Variants in TIGD1 observed in about 807,000 individuals in gnomAD.
TIGD1 encodes tigger transposable element-derived protein 1.
Under a neutral mutation model 21.3 loss-of-function variants are expected in TIGD1, and 20 were observed. The ratio of observed to expected loss-of-function variants is 0.94; its 90% CI spans 0.66 to 1.36. TIGD1 has a LOEUF of 1.36. TIGD1 is among the 40% of genes most tolerant of loss of function. The pLI, the probability that TIGD1 is intolerant of heterozygous loss-of-function variation, is 0.00. For missense variants in TIGD1, 556 were observed against 350.5 expected (o/e 1.59, Z -4.68); for synonymous variants, 177 against 123.2 (o/e 1.44, Z -2.89).
Position 232,548,898 on chromosome 2 carries a change from A to G in TIGD1, c.985T>C (p.Ser329Pro). 1 of 656,856 alleles carries G rather than the reference A, an allele frequency of 1.5e-6. No individual in the cohort carries two copies. The highest frequency in any genetic ancestry group is 2.8e-6 in the Non-Finnish European group (1 of 360,214). 40.7% of individuals were successfully genotyped at this position (656,856 alleles called of 1,614,324 possible). A position where few individuals can be genotyped will look rare whatever the true frequency, so the allele number is the denominator to read the frequency against. The stretch of plus-strand genomic sequence containing the variant: ...CCTTGATCCATGGGCTGCAGAATGG[A>G]TGTTGTGTTAGCAGGCATGAAAATA... The part of the protein sequence containing the change: ...NVIFMPANTT[S>P]ILQPMDQGVI... The change falls in exon 1 of 1, where the codon TCC becomes CCC. Residue 329 changes from serine to proline, a missense_variant. By Grantham distance (74) the Ser-to-Pro change is moderately conservative. Coordinates refer to ENST00000408957, the MANE Select transcript of TIGD1 (RefSeq NM_145702.4).
Position 232,545,889 on chromosome 2 carries a change from G to A in TIGD1, c.*2218C>T, listed in dbSNP as rs577360709. 2.9e-5 allele frequency: 23 copies of A among 782,296 alleles called. No homozygotes were observed. Among genetic ancestry groups the A allele is most frequent in the South Asian group, 2.3e-4 (15 of 65,542 alleles). The allele number at this position is 782,296 out of a possible 1,614,324, so 48.5% of individuals were successfully genotyped here. A position where few individuals can be genotyped will look rare whatever the true frequency, so the allele number is the denominator to read the frequency against. The stretch of plus-strand genomic sequence containing the variant: ...GGGGAAACAGTCTGAGCTGGAGTCC[G>A]AGAGTGGTTGGGGGTGGGCCGTGGC... On this transcript the variant is annotated 3_prime_UTR_variant, in exon 1 of 1. Transcript: ENST00000408957.
rs1692163679 is a variant in TIGD1 at position 232,548,146 on chromosome 2, T to C, written c.1737A>G (p.Pro579=). 9.0e-7 allele frequency: 1 copy of C among 1,117,204 alleles called. No homozygotes were observed. Among genetic ancestry groups the C allele is most frequent in the Non-Finnish European group, 1.3e-6 (1 of 795,106 alleles). The allele number at this position is 1,117,204 out of a possible 1,614,324, so 69.2% of individuals were successfully genotyped here. ...CGGTGAGTCGTACTCTTTTTGCTGG[T>C]GGAGGGTCTTGCCTCGAGGTTGATG... is the stretch of plus-strand genomic sequence containing the variant. The part of the protein sequence containing the change: ...QQPSTSRQDP[P]PAKRVRLTEG... Residue 579 remains proline (P), a synonymous_variant, in exon 1 of 1, where the codon CCA becomes CCG. Coordinates refer to ENST00000408957, the MANE Select transcript of TIGD1 (RefSeq NM_145702.4).
Position 232,550,557 on chromosome 2 carries a change from C to A in TIGD1, c.-675G>T. On this transcript the variant is annotated 5_prime_UTR_variant, in exon 1 of 1. Coordinates refer to ENST00000408957, the MANE Select transcript of TIGD1 (RefSeq NM_145702.4). ...CTCCGCCGCTGAGTCCAGCCCTCTG[C>A]GCAGCCGCCCTGAGCTGGCGTCCCG... The A allele has an allele frequency of 1.1e-6, 1 of 877,920 alleles. No individual in the cohort carries two copies. The allele number at this position is 877,920 out of a possible 1,614,324, so 54.4% of individuals were successfully genotyped here.
Position 232,548,877 on chromosome 2 carries a change from G to T in TIGD1, c.1006C>A (p.Gln336Lys). The change falls in exon 1 of 1, where the codon CAA (glutamine) becomes AAA (lysine). Residue 336 changes from glutamine to lysine, a missense_variant. Physicochemically the swap from Gln to Lys is moderately conservative, Grantham distance 53 (BLOSUM62 1). Transcript: ENST00000408957. The stretch of plus-strand genomic sequence containing the variant: ...GACTTGAAGGTCGAAATTACCCCTT[G>T]ATCCATGGGCTGCAGAATGGATGTT... ...NTTSILQPMD[Q>K]GVISTFKSYY... The T allele has an allele frequency of 1.6e-6, 1 of 641,494 alleles. No homozygotes were observed. The highest frequency in any genetic ancestry group is 2.8e-6 in the Non-Finnish European group (1 of 352,168). 39.7% of individuals were successfully genotyped at this position (641,494 alleles called of 1,614,324 possible).
rs1384241819 is a variant in TIGD1, at chr2:232,549,453, G to A, written c.430C>T (p.His144Tyr). Reference protein sequence around the residue: ...GWFMRFKERSHFHNIKAQGEA... With the variant: ...GWFMRFKERSYFHNIKAQGEA... Reference sequence around the variant, plus strand: ...CCTTGTGCTTTTATGTTATGGAAATGGCTTCTTTCCTTAAACCTCATGAAC... The same window carrying A: ...CCTTGTGCTTTTATGTTATGGAAATAGCTTCTTTCCTTAAACCTCATGAAC... The change falls in exon 1 of 1, where the codon CAT becomes TAT. Residue 144 changes from histidine to tyrosine, a missense_variant. Coordinates refer to ENST00000408957, the MANE Select transcript of TIGD1 (RefSeq NM_145702.4). 1.5e-6 allele frequency: 1 copy of A among 664,268 alleles called. No individual in the cohort carries two copies. Among genetic ancestry groups the A allele is most frequent in the South Asian group, 1.7e-5 (1 of 57,404 alleles). The allele number at this position is 664,268 out of a possible 1,614,324, so 41.1% of individuals were successfully genotyped here. A position where few individuals can be genotyped will look rare whatever the true frequency, so the allele number is the denominator to read the frequency against.
Position 232,544,802 on chromosome 2 carries a change from T to C in TIGD1, c.*3305A>G. The C allele has an allele frequency of 6.2e-7, 1 of 1,613,984 alleles. No homozygotes were observed. Among genetic ancestry groups the C allele is most frequent in the Non-Finnish European group, 8.5e-7 (1 of 1,179,972 alleles). On this transcript the variant is annotated 3_prime_UTR_variant, in exon 1 of 1. Coordinates refer to ENST00000408957, the MANE Select transcript of TIGD1 (RefSeq NM_145702.4). Reference sequence around the variant, plus strand: ...GGCCCGGAGTTAGGGCTGAGCCAGTTCTGTGGCAGCCTGAAGCAGGCTGCC... The same window carrying C: ...GGCCCGGAGTTAGGGCTGAGCCAGTCCTGTGGCAGCCTGAAGCAGGCTGCC...
At position 232,546,155 on chromosome 2, in the gene TIGD1, A is replaced by G. The variant is rs552059021; in HGVS notation, c.*1952T>C. ...AAGAGTAGCAGCCGATGCTCTCTCC[A>G]AAGCAGGGCAGCAGCCCATACCAGC... On this transcript the variant is annotated 3_prime_UTR_variant, in exon 1 of 1. Coordinates refer to ENST00000408957, the MANE Select transcript of TIGD1 (RefSeq NM_145702.4). The G allele has an allele frequency of 2.1e-4, 62 of 290,564 alleles. No homozygotes were observed. Among genetic ancestry groups the G allele is most frequent in the South Asian group, 2.0e-3 (60 of 29,370 alleles). The allele number at this position is 290,564 out of a possible 1,614,324, so 18.0% of individuals were successfully genotyped here. A position where few individuals can be genotyped will look rare whatever the true frequency, so the allele number is the denominator to read the frequency against.
chr2:232,545,036 C>T lies in TIGD1; in HGVS notation c.*3071G>A, dbSNP rs942521103. 5 of 1,122,042 alleles carry T rather than the reference C, an allele frequency of 4.5e-6. No homozygotes were observed. Among genetic ancestry groups the T allele is most frequent in the African/African-American group, 1.5e-5 (1 of 64,832 alleles). The allele number at this position is 1,122,042 out of a possible 1,614,324, so 69.5% of individuals were successfully genotyped here. On this transcript the variant is annotated 3_prime_UTR_variant, in exon 1 of 1. Coordinates refer to ENST00000408957, the MANE Select transcript of TIGD1 (RefSeq NM_145702.4). ...ATGAGGCCGGGTGCAGTGGGTCACACCTGTAATCCCAGTACTTTGGGAGGC... is the reference window on the plus strand; with the variant it reads ...ATGAGGCCGGGTGCAGTGGGTCACATCTGTAATCCCAGTACTTTGGGAGGC...
rs1218126114 is a variant in TIGD1 at position 232,548,282 on chromosome 2, A to T, written c.1601T>A (p.Phe534Tyr). The T allele has an allele frequency of 4.6e-6, 7 of 1,535,968 alleles. No individual in the cohort carries two copies. In the Admixed American group the frequency reaches 6.0e-5, roughly 13 times the overall value. ...CATGAGTTGACTCTTCCTTTCATGA[A>T]AGATTTCTCTGTAGCATGCGATGCT... is the stretch of plus-strand genomic sequence containing the variant. Reference protein sequence around the residue: ...SNSIACYREIFHERKSQLMRK... With the variant: ...SNSIACYREIYHERKSQLMRK... Residue 534 changes from phenylalanine (F) to tyrosine (Y), a missense_variant, in exon 1 of 1, where the codon TTT (phenylalanine) becomes TAT (tyrosine). Phe to Tyr is a conservative substitution (Grantham distance 22). Transcript: ENST00000408957.
In TIGD1 at chr2:232,544,651, A is replaced by G; in HGVS notation, c.*3456T>C. 6.4e-7 allele frequency: 1 copy of G among 1,562,620 alleles called. No homozygotes were observed. Among genetic ancestry groups the G allele is most frequent in the Non-Finnish European group, 8.8e-7 (1 of 1,135,164 alleles). ...CCAGCTGGGGAGCCAGGCACAGCAG[A>G]TGAGTGCTGGAGAAGTGCCCAGGTC... is the stretch of plus-strand genomic sequence containing the variant. On this transcript the variant is annotated 3_prime_UTR_variant, in exon 1 of 1. Transcript: ENST00000408957.
At position 232,548,199 on chromosome 2, in the gene TIGD1, C is replaced by T; in HGVS notation, c.1684G>A (p.Ala562Thr). 2 of 1,537,032 alleles carry T rather than the reference C, an allele frequency of 1.3e-6. No homozygotes were observed. Among genetic ancestry groups the T allele is most frequent in the African/African-American group, 1.4e-5 (1 of 73,056 alleles). Residue 562 changes from alanine (A) to threonine (T), a missense_variant, in exon 1 of 1, where the codon GCA (alanine) becomes ACA (threonine). Ala to Thr is a moderately conservative substitution (Grantham distance 58). Transcript: ENST00000408957. ...TGCTGACTGGTCAGGGTGGTGGCTGCTGAAGGTTGGGGTGGCTGTGGCAAT... is the reference window on the plus strand; with the variant it reads ...TGCTGACTGGTCAGGGTGGTGGCTGTTGAAGGTTGGGGTGGCTGTGGCAAT... ...RKLPQPPQPS[A>T]ATTLTSQQPS...
chr2:232,545,477 G>A lies in TIGD1; in HGVS notation c.*2630C>T, dbSNP rs1692111054. The A allele has an allele frequency of 1.4e-6, 2 of 1,432,240 alleles. No homozygotes were observed. The highest frequency in any genetic ancestry group is 1.9e-6 in the Non-Finnish European group (2 of 1,035,166). The allele number at this position is 1,432,240 out of a possible 1,614,324, so 88.7% of individuals were successfully genotyped here. On this transcript the variant is annotated 3_prime_UTR_variant, in exon 1 of 1. Transcript: ENST00000408957. Reference sequence around the variant, plus strand: ...ATGGGCCTGCTGGAAGCCCAAGGATGAGAACAGGACCCAGGGAAGACCTGG... The same window carrying A: ...ATGGGCCTGCTGGAAGCCCAAGGATAAGAACAGGACCCAGGGAAGACCTGG...
Position 232,549,158 on chromosome 2 carries a change from T to C in TIGD1, c.725A>G (p.Glu242Gly). The change falls in exon 1 of 1, where the codon GAA becomes GGA. Residue 242 changes from glutamate (E) to glycine (G), a missense_variant. Coordinates refer to ENST00000408957, the MANE Select transcript of TIGD1 (RefSeq NM_145702.4). ...KLKPMLIYHS[E>G]NPRALKNYTK... is the part of the protein sequence containing the mutation. The stretch of plus-strand genomic sequence containing the variant: ...ATAATTCTTAAGGGCCCTAGGATTT[T>C]CAGAATGGTAAATAAGCATTGGCTT... 2.8e-6 allele frequency: 2 copies of C among 714,918 alleles called. No homozygotes were observed. The highest frequency in any genetic ancestry group is 3.0e-5 in the South Asian group (2 of 67,238). 44.3% of individuals were successfully genotyped at this position (714,918 alleles called of 1,614,324 possible).
rs751622368 is a variant in TIGD1 at position 232,550,169 on chromosome 2, G to A, written c.-287C>T. ...AATGTAACACAGAGACACCAAGTGA[G>A]CACATGCTGTTGGAAAAATGGCGCT... On this transcript the variant is annotated 5_prime_UTR_variant, in exon 1 of 1. Coordinates refer to ENST00000408957, the MANE Select transcript of TIGD1 (RefSeq NM_145702.4). 10 of 346,014 alleles carry A rather than the reference G, an allele frequency of 2.9e-5. No homozygotes were observed. Among genetic ancestry groups the A allele is most frequent in the Non-Finnish European group, 4.9e-5 (9 of 183,802 alleles). 21.4% of individuals were successfully genotyped at this position (346,014 alleles called of 1,614,324 possible).
In TIGD1 at chr2:232,548,268, T is replaced by G. The variant is rs756751567; in HGVS notation, c.1615A>C (p.Ser539Arg). Residue 539 changes from serine (S) to arginine (R), a missense_variant, in exon 1 of 1, where the codon AGT (serine) becomes CGT (arginine). Ser to Arg is a moderately radical substitution (Grantham distance 110). Transcript: ENST00000408957. ...GGTGAAGCTTTTCGCATGAGTTGAC[T>G]CTTCCTTTCATGAAAGATTTCTCTG... ...CYREIFHERK[S>R]QLMRKASPMS... The G allele has an allele frequency of 4.5e-6, 7 of 1,541,194 alleles. No individual in the cohort carries two copies. The South Asian group carries it at 8.4e-5, about 19-fold the overall frequency.
rs1386658375 is a variant in TIGD1 at position 232,544,401 on chromosome 2, T to C, written c.*3706A>G. 4 of 1,613,474 alleles carry C rather than the reference T, an allele frequency of 2.5e-6. No homozygotes were observed. ...AGGCTCTTGCCCCAGCTGCTGAGGATGCACGTTCGCCCGCTGGCCCCGGCA... is the reference window on the plus strand; with the variant it reads ...AGGCTCTTGCCCCAGCTGCTGAGGACGCACGTTCGCCCGCTGGCCCCGGCA... On this transcript the variant is annotated 3_prime_UTR_variant, in exon 1 of 1. Coordinates refer to ENST00000408957, the MANE Select transcript of TIGD1 (RefSeq NM_145702.4).
rs751657182 is a variant in TIGD1 at position 232,545,506 on chromosome 2, C to T, written c.*2601G>A. ...ACAGGACCCAGGGAAGACCTGGTGCCGCCGCTGGTTATCCCACACCTGCCT... is the reference window on the plus strand; with the variant it reads ...ACAGGACCCAGGGAAGACCTGGTGCTGCCGCTGGTTATCCCACACCTGCCT... On this transcript the variant is annotated 3_prime_UTR_variant, in exon 1 of 1. Transcript: ENST00000408957. The T allele has an allele frequency of 7.5e-6, 12 of 1,594,470 alleles. No homozygotes were observed. Among genetic ancestry groups the T allele is most frequent in the Admixed American group, 1.7e-5 (1 of 58,922 alleles).
In TIGD1 at chr2:232,544,482, C is replaced by T. The variant is rs1480246494; in HGVS notation, c.*3625G>A. ...AATGGCTCCTCGGGATGGTCGATCA[C>T]AACTGGGGAGGAGGTGGCCCTCTGC... On this transcript the variant is annotated 3_prime_UTR_variant, in exon 1 of 1. Coordinates refer to ENST00000408957, the MANE Select transcript of TIGD1 (RefSeq NM_145702.4). 1 of 1,613,788 alleles carries T rather than the reference C, an allele frequency of 6.2e-7. No homozygotes were observed. The highest frequency in any genetic ancestry group is 1.7e-5 in the Admixed American group (1 of 60,032).
rs1692245137 is a variant in TIGD1, at chr2:232,549,960, T to C, written c.-78A>G. On this transcript the variant is annotated 5_prime_UTR_variant, in exon 1 of 1. Coordinates refer to ENST00000408957, the MANE Select transcript of TIGD1 (RefSeq NM_145702.4). ...GGAGGCCCAAGAAGAGGGAGAGAGA[T>C]GGGGAACGGTCTGTGGGTGGAGCGG... is the stretch of plus-strand genomic sequence containing the variant. 4 of 789,652 alleles carry C rather than the reference T, an allele frequency of 5.1e-6. No homozygotes were observed. In the East Asian group the frequency reaches 8.2e-5, roughly 16 times the overall value. The allele number at this position is 789,652 out of a possible 1,614,324, so 48.9% of individuals were successfully genotyped here. A position where few individuals can be genotyped will look rare whatever the true frequency, so the allele number is the denominator to read the frequency against.
Sources: allele counts gnomAD v4.1 joint callset, GRCh38; gene constraint gnomAD v4.1.1; transcripts MANE v1.5; gene names NCBI Gene and HGNC (gene_info 2026-07-23, HGNC 2026-07-21).